Variants in SYT14 observed in about 807,000 individuals in gnomAD.
SYT14 encodes synaptotagmin-14.
A neutral mutation model predicts 74.2 loss-of-function variants in SYT14; 32 were observed. That is an observed-to-expected ratio of 0.43 (90% CI 0.33 to 0.58). The LOEUF (loss-of-function observed/expected upper bound fraction) is 0.58, where lower values mean the gene tolerates loss of function less well. Ranked by LOEUF, SYT14 falls within the 20% of genes least tolerant of loss-of-function variation. The probability of loss-of-function intolerance (pLI) is 0.05; values close to 1 mark genes in which losing one functional copy is unlikely to be tolerated. For missense variants in SYT14, 791 were observed against 981.8 expected (o/e 0.81, Z 2.60); for synonymous variants, 298 against 337.7 (o/e 0.88, Z 1.29).
chr1:210,139,205 G>T (rs902181293), intron 7 of SYT14, among the ~76,000 whole-genome samples: 2 of 149,256 alleles, frequency 1.3e-5, no homozygotes, highest in African/African-American at 2.5e-5. Context: ...TCGTGCCTCA[G>T]CCTCTCAAGT....
chr1:210,000,226 A>G (rs1214155641), intron 2 of SYT14, among the ~76,000 whole-genome samples: 1 of 152,146 alleles, frequency 6.6e-6, no homozygotes, highest in Non-Finnish European at 1.5e-5. Context: ...ATTAGTCCAG[A>G]CAATTGAATC....
At chr1:209,960,915 A>AG (rs2079066439) in intron 2 of SYT14, among the ~76,000 whole-genome samples, 2 of 152,178 alleles carry the variant, frequency 1.3e-5, no homozygotes, top group Non-Finnish European at 2.9e-5. Context: ...TGGAGACAAC[A>AG]GGTAGATTAC....
intron 5 of SYT14, among the ~76,000 whole-genome samples, chr1:210,080,345 A>G (rs2081595491): frequency 6.6e-6 from 1 of 152,214 alleles, no homozygotes; most frequent in Non-Finnish European, 1.5e-5. Flanking sequence ...GTCAGATTAG[A>G]AGGAAATTTT....
chr1:210,075,391 A>G (rs759846441), intron 5 of SYT14, among the ~76,000 whole-genome samples: 63 of 146,318 alleles, frequency 4.3e-4, no homozygotes, highest in Non-Finnish European at 8.5e-4. Flanking sequence ...GAGAAGTGCA[A>G]TGGCACAATC....
intron 8 of SYT14, among the ~76,000 whole-genome samples, chr1:210,157,472 G>A (rs1423017569): frequency 6.7e-6 from 1 of 148,526 alleles, no homozygotes; most frequent in Non-Finnish European, 1.5e-5. Context: ...AGGTGCAGTG[G>A]CTCACAAGGG....
chr1:209,986,572 C>T (rs915588291), intron 2 of SYT14, among the ~76,000 whole-genome samples: 2 of 151,746 alleles, frequency 1.3e-5, no homozygotes, highest in African/African-American at 2.4e-5. Context: ...AAGATTGCGC[C>T]ATTGCACTCC....
At chr1:209,972,678 A>G (rs2079277172) in intron 2 of SYT14, among the ~76,000 whole-genome samples, 1 of 151,928 alleles carries the variant, frequency 6.6e-6, no homozygotes, top group Admixed American at 6.6e-5. Flanking sequence ...CTTGGTATTG[A>G]TTTCTGTTTT....
At chr1:210,005,458 A>G (rs2079972615) in intron 2 of SYT14, among the ~76,000 whole-genome samples, 1 of 151,966 alleles carries the variant, frequency 6.6e-6, no homozygotes, top group African/African-American at 2.4e-5. Context: ...GTAGCTCAGC[A>G]TGAAGATCTT....
At chr1:210,008,607 C>A (rs559854015) in intron 2 of SYT14, among the ~76,000 whole-genome samples, 4 of 152,312 alleles carry the variant, frequency 2.6e-5, no homozygotes, top group African/African-American at 7.2e-5. Flanking sequence ...AGGTGACCCA[C>A]CTGCCTCAGC....
At chr1:210,066,793 C>G (rs1289298757) in intron 5 of SYT14, among the ~76,000 whole-genome samples, 3 of 152,050 alleles carry the variant, frequency 2.0e-5, no homozygotes, top group Non-Finnish European at 4.4e-5. Flanking sequence ...TGAGAACGGA[C>G]TAATACAGTG....
At chr1:210,015,401 GAAT>G (rs2080162564) in intron 3 of SYT14, among the ~76,000 whole-genome samples, 1 of 151,982 alleles carries the variant, frequency 6.6e-6, no homozygotes, top group African/African-American at 2.4e-5. Flanking sequence ...TATTAAATAG[GAAT>G]AATAATATTT....
rs11382937 is a variant in SYT14, at chr1:210,008,366, AT to A, written c.-485-5256del. On this transcript the variant is annotated intron_variant, in intron 2 of 9. Transcript: ENST00000637265. ...TATTGGCTGTGTGCTTTTAAATAGA[AT>A]TTTTTTTTTTCTTTTTGAGATGGAA... is the stretch of plus-strand genomic sequence containing the variant. Among the ~76,000 whole-genome samples, 1,205 of 149,990 alleles carry A rather than the reference AT, an allele frequency of 8.0e-3. 20 individuals carry two copies. Among genetic ancestry groups the A allele is most frequent in the African/African-American group, 0.028 (1,139 of 40,882 alleles).
At chr1:210,093,115 T>C (rs1481733048) in intron 5 of SYT14, among the ~76,000 whole-genome samples, 6 of 151,944 alleles carry the variant, frequency 3.9e-5, no homozygotes, top group African/African-American at 9.6e-5. Flanking sequence ...TAGTTTTTCT[T>C]TTTTTTTTCA....
chr1:210,077,633 A>G (rs985676620), intron 5 of SYT14, among the ~76,000 whole-genome samples: 3 of 152,222 alleles, frequency 2.0e-5, no homozygotes, highest in Non-Finnish European at 4.4e-5. Flanking sequence ...TTGCAGGGTC[A>G]TATTGTAACT....
intron 5 of SYT14, among the ~76,000 whole-genome samples, chr1:210,023,138 T>C (rs1277816815): frequency 6.6e-6 from 1 of 152,198 alleles, no homozygotes; most frequent in East Asian, 1.9e-4. Context: ...GAGATTATAT[T>C]TATTTATTTT....
chr1:209,973,372 C>T lies in SYT14; in HGVS notation c.-486+20616C>T, dbSNP rs967744330. Among the ~76,000 whole-genome samples the T allele has an allele frequency of 7.2e-5, 11 of 152,246 alleles. No homozygotes were observed. In the South Asian group the frequency reaches 1.0e-3, roughly 14 times the overall value. On this transcript the variant is annotated intron_variant, in intron 2 of 9. Coordinates refer to ENST00000637265, the Ensembl canonical transcript of SYT14. ...GCTATCCCTCCCCTCTCCCCTCACCCCACAACAGACCCCGGTGTGTGATGT... is the reference window on the plus strand; with the variant it reads ...GCTATCCCTCCCCTCTCCCCTCACCTCACAACAGACCCCGGTGTGTGATGT...
intron 5 of SYT14, among the ~76,000 whole-genome samples, chr1:210,082,290 C>T (rs915058339): frequency 6.6e-6 from 1 of 152,136 alleles, no homozygotes; most frequent in South Asian, 2.1e-4. Flanking sequence ...GTCCATACAT[C>T]GAGCCAAACC....
At chr1:210,001,152 CT>C (rs1350575407) in intron 2 of SYT14, among the ~76,000 whole-genome samples, 8 of 152,048 alleles carry the variant, frequency 5.3e-5, no homozygotes, top group Non-Finnish European at 1.0e-4. Flanking sequence ...AAAGTTAATA[CT>C]TTTGAATTGT....
At chr1:210,064,744 T>C (rs1302910226) in intron 5 of SYT14, among the ~76,000 whole-genome samples, 1 of 151,790 alleles carries the variant, frequency 6.6e-6, no homozygotes, top group Admixed American at 6.6e-5. Flanking sequence ...AAGTGTCTGA[T>C]TGAGTTGCTG....
Sources: allele counts gnomAD v4.1 joint callset (sites outside exome capture counted in the v4.1 genomes callset), GRCh38; gene constraint gnomAD v4.1.1; transcripts MANE v1.5; gene names NCBI Gene and HGNC (gene_info 2026-07-23, HGNC 2026-07-21).